TP63: variants seen among roughly 807,000 people sequenced by gnomAD.
TP63 encodes the protein tumor protein p63.
In TP63, 17 loss-of-function variants were observed where a neutral mutation model predicts 82.8. The ratio of observed to expected loss-of-function variants is 0.21; its 90% CI spans 0.14 to 0.31. The LOEUF is 0.31. Among genes scored for constraint, TP63 ranks in the 10% least tolerant of loss-of-function variants. TP63 has a pLI of 1.00. For synonymous variants in TP63, 330 were observed against 321.7 expected, an observed-to-expected ratio of 1.03 and a Z score of -0.28; for missense variants, 648 against 895.3, an observed-to-expected ratio of 0.72 and a Z score of 3.52.
intron 4 of TP63, among the ~76,000 whole-genome samples, chr3:189,836,995 A>G (rs1713242676): frequency 6.6e-6 from 1 of 152,224 alleles, no homozygotes; most frequent in Non-Finnish European, 1.5e-5. Context: ...ATGCAAAGTT[A>G]TGTAACCTTT....
At chr3:189,696,504 A>C (rs763823851) in intron 1 of TP63, among the ~76,000 whole-genome samples, 1 of 152,164 alleles carries the variant, frequency 6.6e-6, no homozygotes, top group Non-Finnish European at 1.5e-5. Flanking sequence ...ACTGCTATAA[A>C]CATTCCAATG....
At chr3:189,673,943 G>A (rs9812737) in intron 1 of TP63, among the ~76,000 whole-genome samples, 136,414 of 152,144 alleles carry the variant, frequency 0.9, 62,524 homozygotes, top group Non-Finnish European at 0.98. Context: ...TGAATAATGC[G>A]TTATAAAGTG....
At chr3:189,852,365 A>G (rs1221447930) in intron 4 of TP63, among the ~76,000 whole-genome samples, 1 of 152,264 alleles carries the variant, frequency 6.6e-6, no homozygotes, top group Non-Finnish European at 1.5e-5. Flanking sequence ...TGTCTGCTGA[A>G]TATCAGGAGC....
chr3:189,742,756 A>C (rs1161379633), intron 3 of TP63, among the ~76,000 whole-genome samples: 3 of 152,248 alleles, frequency 2.0e-5, no homozygotes, highest in African/African-American at 7.2e-5. Flanking sequence ...AGAAGACGAT[A>C]ACACAGCAGA....
chr3:189,687,088 A>G (rs568221809), intron 1 of TP63, among the ~76,000 whole-genome samples: 2 of 152,118 alleles, frequency 1.3e-5, no homozygotes, highest in African/African-American at 4.8e-5. Flanking sequence ...TGAATGAAGG[A>G]TTGAAAATTA....
intron 4 of TP63, among the ~76,000 whole-genome samples, chr3:189,810,435 G>C (rs923359094): frequency 1.9e-4 from 29 of 152,110 alleles, no homozygotes; most frequent in African/African-American, 5.8e-4. Context: ...GGGCATATTA[G>C]GGCTGCTAAA....
chr3:189,727,463 C>T (rs1401923577), intron 1 of TP63, among the ~76,000 whole-genome samples: 1 of 152,184 alleles, frequency 6.6e-6, no homozygotes, highest in African/African-American at 2.4e-5. Context: ...AGATGCTCGG[C>T]TGAGGTTGCA....
intron 3 of TP63, among the ~76,000 whole-genome samples, chr3:189,739,863 T>TG (rs1228115679): frequency 2.0e-5 from 3 of 150,998 alleles, no homozygotes; most frequent in Non-Finnish European, 4.4e-5. Context: ...AGAAAACTAG[T>TG]GGGGGGAAGC....
At chr3:189,811,257 A>G (rs538032020) in intron 4 of TP63, among the ~76,000 whole-genome samples, 1 of 152,360 alleles carries the variant, frequency 6.6e-6, no homozygotes, top group Admixed American at 6.5e-5. Context: ...GATAGTATTA[A>G]TAATTAACGT....
At chr3:189,807,464 G>C (rs77338736) in intron 3 of TP63, among the ~76,000 whole-genome samples, 1 of 152,172 alleles carries the variant, frequency 6.6e-6, no homozygotes, top group Non-Finnish European at 1.5e-5. Flanking sequence ...ACATAAAAAC[G>C]TTTGGCAGAA....
At chr3:189,659,094 T>G (rs1713648295) in intron 1 of TP63, among the ~76,000 whole-genome samples, 1 of 152,084 alleles carries the variant, frequency 6.6e-6, no homozygotes, top group Non-Finnish European at 1.5e-5. Context: ...TTTAGATTCA[T>G]GGGGTACATG....
intron 4 of TP63, among the ~76,000 whole-genome samples, chr3:189,840,439 A>G (rs1713902665): frequency 7.3e-6 from 1 of 136,686 alleles, no homozygotes; most frequent in Non-Finnish European, 1.5e-5. Flanking sequence ...AGTATTAAAC[A>G]CTTTGTTTTA....
At position 189,651,545 on chromosome 3, in the gene TP63, C is replaced by CA. The variant is rs71173298; in HGVS notation, c.62+19984dup. ...TGGGCAACAGAGTGAGATTCCATAT[C>CA]AAAAAAAAAAAAAAAAGTAAAGCAA... is the stretch of plus-strand genomic sequence containing the variant. On this transcript the variant is annotated intron_variant, in intron 1 of 13. Transcript: ENST00000264731. 7.1e-3 allele frequency among the ~76,000 whole-genome samples: 837 copies of CA among 118,456 alleles called. 46 individuals are homozygous for CA. The highest frequency in any genetic ancestry group is 0.019 in the Middle Eastern group (5 of 266). 77.7% of individuals were successfully genotyped at this position (118,456 alleles called of 152,430 possible).
intron 4 of TP63, among the ~76,000 whole-genome samples, chr3:189,833,789 G>C (rs1712718007): frequency 6.6e-6 from 1 of 151,692 alleles, no homozygotes; most frequent in African/African-American, 2.4e-5. Context: ...GGAAAAAATA[G>C]AAAAGCCAGA....
chr3:189,599,045 A>G, the TP63 span, among the ~76,000 whole-genome samples: 1 of 152,214 alleles, frequency 6.6e-6, no homozygotes, highest in Non-Finnish European at 1.5e-5. Flanking sequence ...GTCCAAGCTC[A>G]CTTCAGAGTC....
intron 3 of TP63, among the ~76,000 whole-genome samples, chr3:189,774,214 G>A (rs1282674419): frequency 2.6e-5 from 4 of 152,144 alleles, no homozygotes; most frequent in Non-Finnish European, 2.9e-5. Flanking sequence ...GAGCCACCAC[G>A]CCCGGCCGTA....
chr3:189,732,577 C>G (rs1013884561), intron 1 of TP63, among the ~76,000 whole-genome samples: 1 of 152,168 alleles, frequency 6.6e-6, no homozygotes, highest in Non-Finnish European at 1.5e-5. Flanking sequence ...GACTACCAGG[C>G]GCTGTATGAC....
chr3:189,792,913 A>G (rs1006879295), intron 3 of TP63, among the ~76,000 whole-genome samples: 4 of 152,174 alleles, frequency 2.6e-5, no homozygotes, highest in African/African-American at 9.6e-5. Flanking sequence ...GTCCTGTCCT[A>G]GTACTATTTC....
intron 1 of TP63, among the ~76,000 whole-genome samples, chr3:189,632,693 T>G (rs1729536221): frequency 6.6e-6 from 1 of 152,112 alleles, no homozygotes. Context: ...CAGTGGAATT[T>G]GTTGGTGGTG....
Sources: allele counts gnomAD v4.1 joint callset (sites outside exome capture counted in the v4.1 genomes callset), GRCh38; gene constraint gnomAD v4.1.1; transcripts MANE v1.5; gene names NCBI Gene and HGNC (gene_info 2026-07-23, HGNC 2026-07-21).